Variants in MARCHF10 observed in about 807,000 individuals in gnomAD.
MARCHF10 encodes the protein membrane associated ring-CH-type finger 10, also known as probable E3 ubiquitin-protein ligase MARCHF10.
Under a neutral mutation model 76.2 loss-of-function variants are expected in MARCHF10, and 64 were observed. The observed-to-expected ratio is 0.84, with a 90% CI of 0.69 to 1.03. MARCHF10 has a LOEUF of 1.03. Ranked by LOEUF, MARCHF10 falls within the 50% of genes least tolerant of loss-of-function variation. The probability of loss-of-function intolerance (pLI) is 0.00; values close to 1 mark genes in which losing one functional copy is unlikely to be tolerated. For missense variants in MARCHF10, 875 were observed against 958.0 expected (o/e 0.91, Z 1.14); for synonymous variants, 340 against 357.5 (o/e 0.95, Z 0.55).
chr17:62,703,765 C>T (rs972128755), intron 10 of MARCHF10, among the ~76,000 whole-genome samples: 1 of 152,250 alleles, frequency 6.6e-6, no homozygotes, highest in Non-Finnish European at 1.5e-5. Context: ...GGAAGGGCGG[C>T]AGGTTCCCTG....
chr17:62,701,596 T>A lies in MARCHF10; in HGVS notation c.*107A>T. On this transcript the variant is annotated 3_prime_UTR_variant, in exon 11 of 11. Transcript: ENST00000311269. ...GAGGTGAAAATCTAACTGTGAACGC[T>A]TTGGTTTCAGTTTCAGTAAAGAGGA... The A allele has an allele frequency of 6.3e-7, 1 of 1,599,652 alleles. No individual in the cohort carries two copies. Among genetic ancestry groups the A allele is most frequent in the Non-Finnish European group, 8.5e-7 (1 of 1,175,342 alleles).
At chr17:62,731,026 C>A (rs1481199183) in intron 6 of MARCHF10, among the ~76,000 whole-genome samples, 2 of 152,144 alleles carry the variant, frequency 1.3e-5, no homozygotes, top group East Asian at 3.8e-4. Context: ...ATATTTCTAA[C>A]CACTATGATA....
chr17:62,773,616 G>A (rs1306313604), intron 3 of MARCHF10, among the ~76,000 whole-genome samples: 7 of 152,170 alleles, frequency 4.6e-5, no homozygotes, highest in African/African-American at 1.7e-4. Context: ...GGATCCAGAT[G>A]GGAAAGGGAT....
At chr17:62,751,326 C>T (rs1275358251) in intron 4 of MARCHF10, among the ~76,000 whole-genome samples, 1 of 152,084 alleles carries the variant, frequency 6.6e-6, no homozygotes, top group East Asian at 1.9e-4. Context: ...TTTTTTCTAG[C>T]CTTGCTCCTT....
intron 6 of MARCHF10, among the ~76,000 whole-genome samples, chr17:62,727,958 A>C (rs1172674505): frequency 6.6e-6 from 1 of 152,226 alleles, no homozygotes; most frequent in Non-Finnish European, 1.5e-5. Context: ...CCTGTGATGC[A>C]GGCAGCAGGT....
At chr17:62,728,899 T>C (rs1048418558) in intron 6 of MARCHF10, among the ~76,000 whole-genome samples, 4 of 152,132 alleles carry the variant, frequency 2.6e-5, no homozygotes, top group African/African-American at 7.2e-5. Context: ...CTTTCAGAAA[T>C]TGACAAACTC....
Position 62,725,066 on chromosome 17 carries a change from C to T in MARCHF10, c.1976G>A (p.Cys659Tyr). The change falls in exon 7 of 11, where the codon TGT (cysteine) becomes TAT (tyrosine). Residue 659 changes from cysteine (C) to tyrosine (Y), a missense_variant. By Grantham distance (194) the Cys-to-Tyr change is radical. Transcript: ENST00000311269. ...ACCCCCGGCTATCTGACAGATGCGACACAAGTCTCCCTCCTCCTCGGAGTC... is the reference window on the plus strand; with the variant it reads ...ACCCCCGGCTATCTGACAGATGCGATACAAGTCTCCCTCCTCCTCGGAGTC... ...EEDSEEEGDL[C>Y]RICQIAGGSP... is the part of the protein sequence containing the mutation. The T allele has an allele frequency of 6.2e-7, 1 of 1,604,608 alleles. No individual in the cohort carries two copies. The highest frequency in any genetic ancestry group is 8.5e-7 in the Non-Finnish European group (1 of 1,176,782).
Position 62,711,664 on chromosome 17 carries a change from G to T in MARCHF10, c.2215-320C>A, listed in dbSNP as rs2089937578. Among the ~76,000 whole-genome samples the T allele has an allele frequency of 6.6e-6, 1 of 152,228 alleles. No individual in the cohort carries two copies. The highest frequency in any genetic ancestry group is 1.5e-5 in the Non-Finnish European group (1 of 68,032). ...TGAGCTGGATGTTGTGGGGAACACA[G>T]GGCAAAAAGCCTCAGAACTCCCTGC... On this transcript the variant is annotated intron_variant, in intron 8 of 10. Transcript: ENST00000311269. This position sits in a 1 kb window ranked among gnomAD's most constrained non-coding sequence, Gnocchi z 4.4.
chr17:62,752,296 C>G (rs1224974974), intron 4 of MARCHF10, among the ~76,000 whole-genome samples: 1 of 152,198 alleles, frequency 6.6e-6, no homozygotes, highest in African/African-American at 2.4e-5. Context: ...TTTCAGCCAC[C>G]TCTTACTCAC....
At chr17:62,734,138 C>G (rs1212886568) in intron 6 of MARCHF10, among the ~76,000 whole-genome samples, 2 of 151,936 alleles carry the variant, frequency 1.3e-5, no homozygotes, top group Admixed American at 6.6e-5. Flanking sequence ...GAGTCGCGAT[C>G]ATGCCACTGC....
At chr17:62,719,722 T>C (rs567539858) in intron 8 of MARCHF10, among the ~76,000 whole-genome samples, 1 of 152,296 alleles carries the variant, frequency 6.6e-6, no homozygotes, top group East Asian at 1.9e-4. Flanking sequence ...TTGGGGGAAA[T>C]TCTCAGTCAT....
chr17:62,711,158 G>A lies in MARCHF10; in HGVS notation c.2328+73C>T, dbSNP rs2089911488. 2 of 1,235,744 alleles carry A rather than the reference G, an allele frequency of 1.6e-6. No homozygotes were observed. Among genetic ancestry groups the A allele is most frequent in the East Asian group, 4.7e-5 (2 of 42,890 alleles). The allele number at this position is 1,235,744 out of a possible 1,614,324, so 76.5% of individuals were successfully genotyped here. On this transcript the variant is annotated intron_variant, in intron 9 of 10. Transcript: ENST00000311269. This position sits in a 1 kb window ranked among gnomAD's most constrained non-coding sequence, Gnocchi z 4.4. Reference sequence around the variant, plus strand: ...GCGACCGTGAGGACCTCAACAGCTTGCACATCTAATAAACAGCACTGCAGG... The same window carrying A: ...GCGACCGTGAGGACCTCAACAGCTTACACATCTAATAAACAGCACTGCAGG...
chr17:62,806,102 C>T lies in MARCHF10; in HGVS notation c.-18+1975G>A, dbSNP rs557842149. On this transcript the variant is annotated intron_variant, in intron 1 of 10. Coordinates refer to ENST00000311269, the MANE Select transcript of MARCHF10 (RefSeq NM_152598.4). ...ACAAATATTACGGGAACCAAGAAAA[C>T]GGTATTAGTGTCAGACCAAGAAGAT... Among the ~76,000 whole-genome samples, 15 of 152,048 alleles carry T rather than the reference C, an allele frequency of 9.9e-5. No individual in the cohort carries two copies. The South Asian group carries it at 2.1e-3, about 21-fold the overall frequency.
At position 62,705,462 on chromosome 17, in the gene MARCHF10, T is replaced by G. The variant is rs1386762650; in HGVS notation, c.2371+77A>C. The G allele has an allele frequency of 8.1e-6, 13 of 1,613,376 alleles. No individual in the cohort carries two copies. In the South Asian group the frequency reaches 8.8e-5, roughly 11 times the overall value. Reference sequence around the variant, plus strand: ...TGGTCATTCCTTCCTTCCATGGCATTTGGTTCCACACAGTCACAGAAAAAG... The same window carrying G: ...TGGTCATTCCTTCCTTCCATGGCATGTGGTTCCACACAGTCACAGAAAAAG... On this transcript the variant is annotated intron_variant, in intron 10 of 10. Transcript: ENST00000311269.
chr17:62,752,861 G>GT (rs1301434739), intron 4 of MARCHF10, among the ~76,000 whole-genome samples: 1 of 152,018 alleles, frequency 6.6e-6, no homozygotes, highest in East Asian at 1.9e-4. Context: ...TCTTGGCTGT[G>GT]TCTGGCCACC....
rs750850211 is a variant in MARCHF10, at chr17:62,744,387, G to A, written c.524C>T (p.Pro175Leu). 15 of 1,613,862 alleles carry A rather than the reference G, an allele frequency of 9.3e-6. No individual in the cohort carries two copies. Among genetic ancestry groups the A allele is most frequent in the Non-Finnish European group, 1.3e-5 (15 of 1,179,966 alleles). The change falls in exon 5 of 11, where the codon CCC becomes CTC. Residue 175 changes from proline to leucine, a missense_variant. By Grantham distance (98) the Pro-to-Leu change is moderately conservative. Coordinates refer to ENST00000311269, the MANE Select transcript of MARCHF10 (RefSeq NM_152598.4). ...CCCCGGGTCCTTACCTGCTCCCCTG[G>A]GAACCGGCACCTTTGCAGGCCACTG... ...KQQWPAKVPV[P>L]RGADQVVQQE...
intron 3 of MARCHF10, among the ~76,000 whole-genome samples, chr17:62,761,237 C>G (rs528759033): frequency 6.6e-6 from 1 of 152,254 alleles, no homozygotes; most frequent in African/African-American, 2.4e-5. Context: ...AGCCTTCAAA[C>G]AAATAATTCT....
intron 3 of MARCHF10, among the ~76,000 whole-genome samples, chr17:62,772,132 A>G (rs2092460140): frequency 6.6e-6 from 1 of 152,170 alleles, no homozygotes; most frequent in Non-Finnish European, 1.5e-5. Flanking sequence ...CCCAAATCTC[A>G]TCTTGAATTG....
chr17:62,705,467 T>C (rs1294549975), intron 10 of MARCHF10, 72 bp downstream of exon 10: 2 of 1,613,852 alleles, frequency 1.2e-6, no homozygotes, highest in Admixed American at 3.3e-5. Flanking sequence ...GGCATTTGGT[T>C]CCACACAGTC....
Sources: gnomAD v4.1 joint callset for allele counts (sites outside exome capture counted in the v4.1 genomes callset) on GRCh38, gnomAD v4.1.1 for gene constraint, Gnocchi (gnomAD v3.1) non-coding constraint, MANE v1.5 for transcripts, NCBI Gene and HGNC (gene_info 2026-07-23, HGNC 2026-07-21) for gene names.